Variants in OAS1 observed in about 807,000 individuals in gnomAD.
OAS1 encodes 2'-5'-oligoadenylate synthase 1.
A neutral mutation model predicts 38.5 loss-of-function variants in OAS1; 24 were observed. The observed-to-expected ratio is 0.62, with a 90% confidence interval of 0.45 to 0.88. The LOEUF (loss-of-function observed/expected upper bound fraction) is 0.88. OAS1 is among the 40% of genes least tolerant of loss of function. The pLI is 0.00. For missense variants in OAS1, 482 were observed against 493.9 expected (o/e 0.98, Z 0.23); for synonymous variants, 169 against 193.9 (o/e 0.87, Z 1.07).
At chr12:112,908,854 C>CG in intron 2 of OAS1, 30 bp downstream of exon 2, 2 of 1,539,066 alleles carry the variant, frequency 1.3e-6, no homozygotes, top group Non-Finnish European at 1.7e-6. Context: ...TTTTCTCCCT[C>CG]TTCCCATTTC....
chr12:112,928,909 T>C (rs1463597721), intron 6 of OAS1, among the ~76,000 whole-genome samples: 6 of 152,266 alleles, frequency 3.9e-5, no homozygotes, highest in East Asian at 3.9e-4. Flanking sequence ...CTCTTGAGGA[T>C]TGGGGGAGAG....
At position 112,930,484 on chromosome 12, in the gene OAS1, G is replaced by A. The variant is rs1273837878; in HGVS notation, c.1168-1394G>A. ...TCTCCTCATGCTCACTGCCCACTGC[G>A]GAGCTGGGCACTTGGGACACACCCT... On this transcript the variant is annotated intron_variant, in intron 6 of 6. Transcript: ENST00000540589. 3.9e-5 allele frequency among the ~76,000 whole-genome samples: 6 copies of A among 152,302 alleles called. No individual in the cohort carries two copies. The South Asian group carries it at 6.2e-4, about 16-fold the overall frequency.
chr12:112,928,702 C>G (rs1236326964), intron 6 of OAS1, among the ~76,000 whole-genome samples: 1 of 152,230 alleles, frequency 6.6e-6, no homozygotes, highest in Admixed American at 6.5e-5. Flanking sequence ...CACTGACGTG[C>G]CGTCACTTCT....
intron 3 of OAS1, 98 bp from the exon 4 acceptor site, chr12:112,916,411 T>C (rs2043455651): frequency 1.2e-6 from 1 of 850,462 alleles, no homozygotes; most frequent in Non-Finnish European, 1.9e-6. Context: ...GGAAACTTTA[T>C]AAAAACAGGT....
intron 6 of OAS1, among the ~76,000 whole-genome samples, chr12:112,929,418 C>G (rs775533966): frequency 2.0e-5 from 3 of 152,242 alleles, no homozygotes; most frequent in African/African-American, 7.2e-5. Flanking sequence ...TCTCCACACT[C>G]CAACCCCTTT....
chr12:112,922,238 T>C (rs2043534690), downstream of OAS1, among the ~76,000 whole-genome samples: 1 of 152,174 alleles, frequency 6.6e-6, no homozygotes, highest in South Asian at 2.1e-4. Flanking sequence ...CCAAGGGGAC[T>C]CTGCCTCCTC....
chr12:112,925,774 C>T (rs191924797), intron 6 of OAS1, among the ~76,000 whole-genome samples: 16 of 152,116 alleles, frequency 1.1e-4, no homozygotes, highest in African/African-American at 3.4e-4. Flanking sequence ...CAACAGAATG[C>T]GACCCTGTCT....
rs891502627 is a variant in OAS1, at chr12:112,908,739, C to A, written c.384C>A (p.Asn128Lys). 3 of 1,614,138 alleles carry A rather than the reference C, an allele frequency of 1.9e-6. No individual in the cohort carries two copies. Among genetic ancestry groups the A allele is most frequent in the Admixed American group, 1.7e-5 (1 of 60,030 alleles). Residue 128 changes from asparagine (N) to lysine (K), a missense_variant, in exon 2 of 6, where the codon AAC becomes AAA. By Grantham distance (94) the Asn-to-Lys change is moderately conservative. Coordinates refer to ENST00000202917, the MANE Select transcript of OAS1 (RefSeq NM_016816.4). ...KFEVQAPRWG[N>K]PRALSFVLSS... ...AGGTCCAGGCTCCACGCTGGGGCAA[C>A]CCCCGTGCGCTCAGCTTCGTACTGA...
chr12:112,929,691 G>A (rs1277457627), intron 6 of OAS1, among the ~76,000 whole-genome samples: 1 of 152,142 alleles, frequency 6.6e-6, no homozygotes, highest in Non-Finnish European at 1.5e-5. Flanking sequence ...GAGAGGTTAA[G>A]TAATTAGCCC....
At chr12:112,915,981 T>C (rs750362052) in intron 3 of OAS1, among the ~76,000 whole-genome samples, 1 of 152,234 alleles carries the variant, frequency 6.6e-6, no homozygotes, top group East Asian at 1.9e-4. Context: ...TTGAAAATTA[T>C]GTGTGAAATA....
At chr12:112,932,622 A>C (rs1154970), downstream of OAS1, 90,350 of 152,130 alleles carry the variant, frequency 0.59, 27,948 homozygotes, top group East Asian at 0.78. Flanking sequence ...AGCAAAAAAA[A>C]CCCCACAGTA....
At position 112,908,728 on chromosome 12, in the gene OAS1, C is replaced by A. The variant is rs745982177; in HGVS notation, c.373C>A (p.Arg125Ser). The A allele has an allele frequency of 1.2e-6, 2 of 1,614,042 alleles. No individual in the cohort carries two copies. The highest frequency in any genetic ancestry group is 2.7e-5 in the African/African-American group (2 of 74,924). Residue 125 changes from arginine (R) to serine (S), a missense_variant, in exon 2 of 6, where the codon CGC becomes AGC. By Grantham distance (110) the Arg-to-Ser change is moderately radical. Transcript: ENST00000202917. ...CGTGAAGTTTGAGGTCCAGGCTCCA[C>A]GCTGGGGCAACCCCCGTGCGCTCAG... is the stretch of plus-strand genomic sequence containing the variant. The part of the protein sequence containing the change: ...FSVKFEVQAP[R>S]WGNPRALSFV...
chr12:112,932,430 A>T (rs1172650404), downstream of OAS1: 2 of 152,828 alleles, frequency 1.3e-5, no homozygotes, highest in Non-Finnish European at 2.9e-5. Flanking sequence ...CATCTCTACT[A>T]AAAATACAAA....
chr12:112,912,300 A>G (rs75344264), intron 3 of OAS1, among the ~76,000 whole-genome samples: 24,292 of 152,190 alleles, frequency 0.16, 2,420 homozygotes, highest in South Asian at 0.26. Flanking sequence ...GGATTGCACT[A>G]CTGCCCTCCA....
At chr12:112,909,823 G>A (rs1337604434) in intron 2 of OAS1, among the ~76,000 whole-genome samples, 3 of 152,118 alleles carry the variant, frequency 2.0e-5, no homozygotes, top group Admixed American at 6.5e-5. Flanking sequence ...CCGCACAAAC[G>A]GCTACTATTA....
intron 6 of OAS1, among the ~76,000 whole-genome samples, chr12:112,929,903 C>T (rs1593168049): frequency 6.6e-6 from 1 of 152,280 alleles, no homozygotes; most frequent in East Asian, 1.9e-4. Flanking sequence ...AGACTCTCCC[C>T]ATTTCGCAGA....
In OAS1 at chr12:112,908,764, A is replaced by C; in HGVS notation, c.409A>C (p.Ser137Arg). The C allele has an allele frequency of 6.2e-7, 1 of 1,611,838 alleles. No individual in the cohort carries two copies. The highest frequency in any genetic ancestry group is 8.5e-7 in the Non-Finnish European group (1 of 1,178,174). ...GNPRALSFVL[S>R]SLQLGEGVEF... is the part of the protein sequence containing the mutation. ...CCCCCGTGCGCTCAGCTTCGTACTG[A>C]GTTCGCTCCAGCTCGGGGAGGGGGT... Residue 137 changes from serine (S) to arginine (R), a missense_variant, in exon 2 of 6, where the codon AGT becomes CGT. Coordinates refer to ENST00000202917, the MANE Select transcript of OAS1 (RefSeq NM_016816.4).
rs770877918 is a variant in OAS1 at position 112,911,112 on chromosome 12, C to A, written c.531C>A (p.Cys177Ter). Residue 177 changes from cysteine (C) to a stop codon, truncating the protein, a stop_gained, in exon 3 of 6, where the codon TGC becomes TGA. Coordinates refer to ENST00000202917, the MANE Select transcript of OAS1 (RefSeq NM_016816.4). LOFTEE classifies it high-confidence loss of function. Reference protein sequence around the residue: ...PQIYVKLIEECTDLQKEGEFS... With the variant: ...PQIYVKLIEE The stretch of plus-strand genomic sequence containing the variant: ...TCTATGTCAAGCTCATCGAGGAGTG[C>A]ACCGACCTGCAGAAAGAGGGCGAGT... 43 of 1,613,724 alleles carry A rather than the reference C, an allele frequency of 2.7e-5. No individual in the cohort carries two copies. The highest frequency in any genetic ancestry group is 5.9e-6 in the Non-Finnish European group (7 of 1,179,944).
downstream of OAS1, among the ~76,000 whole-genome samples, chr12:112,923,017 C>CCA (rs567257977): frequency 2.5e-4 from 38 of 152,288 alleles, 1 homozygote; most frequent in African/African-American, 7.9e-4. Flanking sequence ...GCTACCATTC[C>CCA]CACACACATT....
Sources: allele counts gnomAD v4.1 joint callset (sites outside exome capture counted in the v4.1 genomes callset), GRCh38; gene constraint gnomAD v4.1.1; transcripts MANE v1.5; gene names NCBI Gene and HGNC (gene_info 2026-07-23, HGNC 2026-07-21).